The following XKR3 variants were observed in gnomAD, a reference collection of about 807,000 sequenced individuals.
The protein encoded by XKR3 is XK related 3.
Under a neutral mutation model 40.3 loss-of-function variants are expected in XKR3, and 27 were observed. That is an observed-to-expected ratio of 0.67 (90% CI 0.49 to 0.92). The LOEUF is 0.92. Ranked by LOEUF, XKR3 falls within the 40% of genes least tolerant of loss-of-function variation. The probability of loss-of-function intolerance (pLI) is 0.00; values close to 1 mark genes in which losing one functional copy is unlikely to be tolerated. For missense variants in XKR3, 472 were observed against 537.6 expected (o/e 0.88, Z 1.21); for synonymous variants, 193 against 195.4 (o/e 0.99, Z 0.10).
chr22:16,801,823 A>G (rs953770548), intron 2 of XKR3, among the ~76,000 whole-genome samples: 1 of 152,192 alleles, frequency 6.6e-6, no homozygotes, highest in African/African-American at 2.4e-5. Flanking sequence ...TTGTCAGAAA[A>G]CTGTATTAAT....
Position 16,806,647 on chromosome 22 carries a change from C to G in XKR3, c.335+1092G>C, listed in dbSNP as rs5994024. 3.5e-4 allele frequency among the ~76,000 whole-genome samples: 53 copies of G among 152,000 alleles called. 1 individual carries two copies. The highest frequency in any genetic ancestry group is 1.3e-3 in the African/African-American group (52 of 41,448). On this transcript the variant is annotated intron_variant, in intron 2 of 3. Coordinates refer to ENST00000684488, the MANE Select transcript of XKR3 (RefSeq NM_001386955.1). The stretch of plus-strand genomic sequence containing the variant: ...AGAGACGGTTTTTCACCATGTTGAT[C>G]AGGCTGGACTCTACTCCTGACCTCA...
intron 1 of XKR3, among the ~76,000 whole-genome samples, chr22:16,809,890 TTG>T (rs1455471535): frequency 1.3e-5 from 2 of 152,086 alleles, no homozygotes; most frequent in African/African-American, 2.4e-5. Context: ...TTCCGGGTGA[TTG>T]TGACTGCAGG....
intron 1 of XKR3, among the ~76,000 whole-genome samples, chr22:16,816,610 T>A (rs1246459336): frequency 1.3e-5 from 2 of 151,988 alleles, no homozygotes; most frequent in Non-Finnish European, 2.9e-5. Context: ...ATACTTCTTT[T>A]CCTTTGGCTT....
chr22:16,802,394 G>A (rs2060172882), intron 2 of XKR3, among the ~76,000 whole-genome samples: 1 of 152,132 alleles, frequency 6.6e-6, no homozygotes, highest in Non-Finnish European at 1.5e-5. Context: ...AGAAGGTAAG[G>A]AGTAAAGGAA....
At chr22:16,789,440 A>C (rs1601839471) in intron 3 of XKR3, among the ~76,000 whole-genome samples, 1 of 152,184 alleles carries the variant, frequency 6.6e-6, no homozygotes, top group East Asian at 1.9e-4. Flanking sequence ...TGAATGAACA[A>C]AAAACCTTTA....
At chr22:16,813,177 G>A (rs1032007032) in intron 1 of XKR3, among the ~76,000 whole-genome samples, 29 of 151,954 alleles carry the variant, frequency 1.9e-4, no homozygotes, top group Non-Finnish European at 3.5e-4. Context: ...CCAGCTACTC[G>A]GGAGGCTGAG....
chr22:16,810,356 A>G (rs2060207588), intron 1 of XKR3, among the ~76,000 whole-genome samples: 1 of 152,164 alleles, frequency 6.6e-6, no homozygotes, highest in South Asian at 2.1e-4. Flanking sequence ...TAAGGCACAT[A>G]AGGTCATCCT....
rs1337669501 is a variant in XKR3, at chr22:16,806,344, G to A, written c.335+1395C>T. The stretch of plus-strand genomic sequence containing the variant: ...CTTTGTAACATTTGACATCACATCT[G>A]GTAATAATTCAAGACTCCCTTTATA... On this transcript the variant is annotated intron_variant, in intron 2 of 3. Transcript: ENST00000684488. 8.6e-5 allele frequency among the ~76,000 whole-genome samples: 13 copies of A among 150,582 alleles called. 1 individual carries two copies. The South Asian group carries it at 2.3e-3, about 27-fold the overall frequency.
chr22:16,796,276 G>A (rs1190427025), intron 3 of XKR3, among the ~76,000 whole-genome samples: 4 of 152,088 alleles, frequency 2.6e-5, no homozygotes, highest in South Asian at 4.1e-4. Flanking sequence ...TTTTCCTGAT[G>A]TACAAAGAAT....
chr22:16,811,095 CTTT>C, intron 1 of XKR3, among the ~76,000 whole-genome samples: 1 of 146,722 alleles, frequency 6.8e-6, no homozygotes, highest in Non-Finnish European at 1.5e-5. Context: ...TCACTTTGAT[CTTT>C]TTTTTCTTTT....
In XKR3 at chr22:16,784,021, T is replaced by C. The variant is rs767689100; in HGVS notation, c.978A>G (p.Lys326=). The change falls in exon 4 of 4, where the codon AAA becomes AAG. Residue 326 remains lysine (K), a synonymous_variant. Transcript: ENST00000684488. ...TTATTTTGTCATCTGACAACTGCAG[T>C]TTCACTGCTGACCAGCAGGAGAAGT... ...AINFSCWSAV[K]LQLSDDKIID... 3 of 1,614,226 alleles carry C rather than the reference T, an allele frequency of 1.9e-6. No individual in the cohort carries two copies. In the Admixed American group the frequency reaches 5.0e-5, roughly 27 times the overall value.
Position 16,784,470 on chromosome 22 carries a change from T to C in XKR3, c.590-61A>G. 3 of 1,427,820 alleles carry C rather than the reference T, an allele frequency of 2.1e-6. No homozygotes were observed. The South Asian group carries it at 4.3e-5, about 21-fold the overall frequency. 88.4% of individuals were successfully genotyped at this position (1,427,820 alleles called of 1,614,324 possible). On this transcript the variant is annotated intron_variant, in intron 3 of 3. Transcript: ENST00000684488. ...TTTTCATTAGTAATGACCACTTTCT[T>C]TTTTAAACTTGCCATTTTAAGATAT... is the stretch of plus-strand genomic sequence containing the variant.
intron 3 of XKR3, among the ~76,000 whole-genome samples, chr22:16,799,493 T>C (rs576495508): frequency 6.7e-6 from 1 of 149,412 alleles, no homozygotes; most frequent in Admixed American, 6.8e-5. Flanking sequence ...AAAAACTTAT[T>C]CCTCTGCTTC....
chr22:16,802,580 C>T (rs2060173899), intron 2 of XKR3, among the ~76,000 whole-genome samples: 1 of 151,932 alleles, frequency 6.6e-6, no homozygotes, highest in Non-Finnish European at 1.5e-5. Context: ...ACCTCTCCTT[C>T]CCAGGTTCAT....
intron 2 of XKR3, among the ~76,000 whole-genome samples, chr22:16,803,869 G>A (rs938322054): frequency 2.0e-5 from 3 of 152,184 alleles, no homozygotes; most frequent in African/African-American, 7.2e-5. Flanking sequence ...TCTCTATGGA[G>A]TAGCCATTCT....
chr22:16,794,202 C>T (rs1601841733), intron 3 of XKR3, among the ~76,000 whole-genome samples: 2 of 152,110 alleles, frequency 1.3e-5, no homozygotes, highest in South Asian at 2.1e-4. Flanking sequence ...AAATAGAGAA[C>T]CCCAGCCAGA....
In XKR3 at chr22:16,790,880, GA is replaced by G. The variant is rs1397050566; in HGVS notation, c.590-6472del. Among the ~76,000 whole-genome samples, 4 of 121,776 alleles carry G rather than the reference GA, an allele frequency of 3.3e-5. No individual in the cohort carries two copies. The East Asian group carries it at 9.8e-4, about 30-fold the overall frequency. The allele number at this position is 121,776 out of a possible 152,430, so 79.9% of individuals were successfully genotyped here. A position where few individuals can be genotyped will look rare whatever the true frequency, so the allele number is the denominator to read the frequency against. On this transcript the variant is annotated intron_variant, in intron 3 of 3. Coordinates refer to ENST00000684488, the MANE Select transcript of XKR3 (RefSeq NM_001386955.1). ...ACAGCCATTATTTAAAGAATAAAAA[GA>G]AAAAAGAAACGTTGAAAAAAAAAAA...
chr22:16,810,864 T>C (rs879548461), intron 1 of XKR3, among the ~76,000 whole-genome samples: 21 of 152,316 alleles, frequency 1.4e-4, no homozygotes, highest in Admixed American at 2.6e-4. Flanking sequence ...CCTCAGAGGT[T>C]CTGCTCTCCT....
Position 16,784,170 on chromosome 22 carries a change from A to C in XKR3, c.829T>G (p.Leu277Val). The change falls in exon 4 of 4, where the codon TTG (leucine) becomes GTG (valine). Residue 277 changes from leucine (L) to valine (V), a missense_variant. Physicochemically the swap from Leu to Val is conservative, Grantham distance 32. Coordinates refer to ENST00000684488, the MANE Select transcript of XKR3 (RefSeq NM_001386955.1). Reference sequence around the variant, plus strand: ...TTCCAAAACTCCAGCCACGGTGCCAACAATGATACAAAATATATGATTAAC... The same window carrying C: ...TTCCAAAACTCCAGCCACGGTGCCACCAATGATACAAAATATATGATTAAC... The part of the protein sequence containing the change: ...VLLIIYFVSL[L>V]APWLEFWKSG... 6.2e-7 allele frequency: 1 copy of C among 1,614,244 alleles called. No individual in the cohort carries two copies. Among genetic ancestry groups the C allele is most frequent in the Non-Finnish European group, 8.5e-7 (1 of 1,180,048 alleles).
Sources: allele counts gnomAD v4.1 joint callset (sites outside exome capture counted in the v4.1 genomes callset), GRCh38; gene constraint gnomAD v4.1.1; transcripts MANE v1.5; gene names NCBI Gene and HGNC (gene_info 2026-07-23, HGNC 2026-07-21).